The following EIF4A3 variants were observed in gnomAD, a reference collection of about 807,000 sequenced individuals.
EIF4A3 encodes eukaryotic translation initiation factor 4A3, also known as eukaryotic initiation factor 4A-III.
A neutral mutation model predicts 55.6 loss-of-function variants in EIF4A3; 1 was observed. The observed-to-expected ratio is 0.02, with a 90% CI of 0.01 to 0.09. The LOEUF is 0.09. Ranked by LOEUF, EIF4A3 falls within the 10% of genes least tolerant of loss-of-function variation. The probability of loss-of-function intolerance (pLI) is 1.00; values close to 1 mark genes in which losing one functional copy is unlikely to be tolerated. For synonymous variants in EIF4A3, 194 were observed against 196.3 expected, an observed-to-expected ratio of 0.99 and a Z score of 0.10; for missense variants, 221 against 540.7, an observed-to-expected ratio of 0.41 and a Z score of 5.86.
chr17:80,142,522 T>G (rs12603792), intron 2 of EIF4A3, among the ~76,000 whole-genome samples: 22,239 of 152,106 alleles, frequency 0.15, 1,736 homozygotes, highest in African/African-American at 0.21. Flanking sequence ...AGAGGCAGCA[T>G]TAATTGAAGC....
intron 5 of EIF4A3, 116 bp downstream of exon 5, chr17:80,139,892 G>T: frequency 6.6e-7 from 1 of 1,518,960 alleles, no homozygotes; most frequent in South Asian, 1.3e-5. Flanking sequence ...TCCTGCAAGT[G>T]ACCCAGGTGC....
At chr17:80,146,686 C>A in intron 1 of EIF4A3, 107 bp downstream of exon 1, 1 of 1,355,466 alleles carries the variant, frequency 7.4e-7, no homozygotes, top group African/African-American at 1.5e-5. Context: ...ACCCTGACCA[C>A]GACCTCCGGA....
intron 8 of EIF4A3, among the ~76,000 whole-genome samples, chr17:80,137,897 C>T (rs2039585938): frequency 6.6e-6 from 1 of 152,160 alleles, no homozygotes; most frequent in Non-Finnish European, 1.5e-5. Context: ...GTTCCACCTT[C>T]AGCCAACGAA....
chr17:80,139,244 G>A, intron 6 of EIF4A3, 82 bp from the exon 7 acceptor site: 1 of 1,559,790 alleles, frequency 6.4e-7, no homozygotes, highest in Non-Finnish European at 8.7e-7. Context: ...TGTTCCCACT[G>A]GGTTAGAGGC....
chr17:80,138,387 G>T, intron 7 of EIF4A3, 107 bp from the exon 8 acceptor site: 1 of 1,414,998 alleles, frequency 7.1e-7, no homozygotes, highest in Non-Finnish European at 9.8e-7. Context: ...GTCACACCGT[G>T]ATATCTGGTG....
intron 4 of EIF4A3, 112 bp from the exon 5 acceptor site, chr17:80,140,252 T>C (rs2039606350): frequency 7.8e-7 from 1 of 1,285,284 alleles, no homozygotes; most frequent in South Asian, 2.1e-5. Flanking sequence ...TTTATGCCAT[T>C]ATTATCTCGA....
chr17:80,140,229 TC>T (rs1161041605), intron 4 of EIF4A3, 89 bp from the exon 5 acceptor site: 6 of 1,364,324 alleles, frequency 4.4e-6, no homozygotes, highest in Non-Finnish European at 5.7e-6. Flanking sequence ...TCCGAGATGA[TC>T]ACCGATTATT....
intron 1 of EIF4A3, among the ~76,000 whole-genome samples, chr17:80,144,696 G>A (rs2039645303): frequency 6.6e-6 from 1 of 151,952 alleles, no homozygotes; most frequent in African/African-American, 2.4e-5. Flanking sequence ...AAAAAAACAG[G>A]AAAGTCACTC....
intron 6 of EIF4A3, 193 bp from the exon 7 acceptor site, chr17:80,139,355 T>C: frequency 1.4e-6 from 1 of 737,638 alleles, no homozygotes; most frequent in South Asian, 2.0e-5. Context: ...ACCGGAGTGT[T>C]ATCTGGTTGA....
chr17:80,146,331 C>T (rs979174180), intron 1 of EIF4A3, among the ~76,000 whole-genome samples: 24 of 152,124 alleles, frequency 1.6e-4, no homozygotes, highest in African/African-American at 2.7e-4. Context: ...CTAATTCTCT[C>T]CTCCTTCCCA....
intron 2 of EIF4A3, among the ~76,000 whole-genome samples, chr17:80,143,894 A>C (rs996450402): frequency 1.3e-5 from 2 of 152,146 alleles, no homozygotes; most frequent in Non-Finnish European, 2.9e-5. Flanking sequence ...GCAGGAGAAT[A>C]GCTTGAAACT....
intron 2 of EIF4A3, among the ~76,000 whole-genome samples, chr17:80,143,705 G>T (rs945881013): frequency 7.2e-5 from 11 of 152,164 alleles, no homozygotes; most frequent in Non-Finnish European, 4.4e-5. Context: ...TTGGCCGGGC[G>T]CAGTAACTCA....
chr17:80,138,043 G>T, intron 8 of EIF4A3, 99 bp downstream of exon 8: 1 of 1,466,052 alleles, frequency 6.8e-7, no homozygotes, highest in South Asian at 1.3e-5. Flanking sequence ...TTAAAATATG[G>T]ACAAACTGGC....
Position 80,140,138 on chromosome 17 carries a change from C to T in EIF4A3, c.375G>A (p.Gly125=). 4.4e-6 allele frequency: 7 copies of T among 1,593,648 alleles called. No homozygotes were observed. The highest frequency in any genetic ancestry group is 1.7e-4 in the Middle Eastern group (1 of 5,936). Residue 125 remains glycine (G), a splice_region_variant and synonymous_variant, in exon 5 of 12, where the codon GGG becomes GGA. Transcript: ENST00000649764. ...TRELAVQIQK[G]LLALGDYMNV... The stretch of plus-strand genomic sequence containing the variant: ...TCATGTAGTCACCGAGAGCAAGCAG[C>T]CCCTGAAACAAAGCACAGGTTCACG...
intron 1 of EIF4A3, among the ~76,000 whole-genome samples, chr17:80,144,997 G>A (rs1336284106): frequency 6.6e-6 from 1 of 152,224 alleles, no homozygotes; most frequent in Non-Finnish European, 1.5e-5. Context: ...GCTCTGCTCA[G>A]TTCTGGGGCA....
At chr17:80,139,268 G>A (rs1002416085) in intron 6 of EIF4A3, 106 bp from the exon 7 acceptor site, 9 of 1,454,052 alleles carry the variant, frequency 6.2e-6, no homozygotes, top group Non-Finnish European at 8.4e-6. Context: ...GTGGTGATAA[G>A]GTACGTTTGA....
chr17:80,139,300 C>T, intron 6 of EIF4A3, 138 bp from the exon 7 acceptor site: 1 of 1,141,992 alleles, frequency 8.8e-7, no homozygotes, highest in Non-Finnish European at 1.2e-6. Context: ...ATTTTTACAG[C>T]ACCAGGCCAC....
chr17:80,141,953 A>G, intron 2 of EIF4A3, 105 bp from the exon 3 acceptor site: 1 of 843,470 alleles, frequency 1.2e-6, no homozygotes, highest in Non-Finnish European at 2.0e-6. Context: ...TTCTTCCAGC[A>G]AGCCCCCGTA....
At chr17:80,144,395 G>T in intron 1 of EIF4A3, 151 bp from the exon 2 acceptor site, 1 of 660,760 alleles carries the variant, frequency 1.5e-6, no homozygotes. Flanking sequence ...AAAACCCAGG[G>T]GCTCAATGAA....
Sources: gnomAD v4.1 joint callset for allele counts (sites outside exome capture counted in the v4.1 genomes callset) on GRCh38, gnomAD v4.1.1 for gene constraint, MANE v1.5 for transcripts, NCBI Gene and HGNC (gene_info 2026-07-23, HGNC 2026-07-21) for gene names.